Variants in TSHZ2 observed in about 807,000 individuals in gnomAD.
The protein encoded by TSHZ2 is teashirt zinc finger homeobox 2.
A neutral mutation model predicts 74.4 loss-of-function variants in TSHZ2; 21 were observed. The observed-to-expected ratio is 0.28, with a 90% CI of 0.20 to 0.41. TSHZ2 has a LOEUF of 0.41. Among genes scored for constraint, TSHZ2 ranks in the 10% least tolerant of loss-of-function variants. The pLI is 1.00. For synonymous variants in TSHZ2, 540 were observed against 515.3 expected, an observed-to-expected ratio of 1.05 and a Z score of -0.65; for missense variants, 1,244 against 1,293.5, an observed-to-expected ratio of 0.96 and a Z score of 0.59.
At chr20:53,409,957 C>G (rs1030423812) in intron 2 of TSHZ2, among the ~76,000 whole-genome samples, 2 of 133,234 alleles carry the variant, frequency 1.5e-5, no homozygotes, top group African/African-American at 5.6e-5. Flanking sequence ...AGAGATTATT[C>G]TGTCTCAGCC....
At chr20:53,355,510 AAACATACTTTATGT>A (rs1980813822) in intron 2 of TSHZ2, among the ~76,000 whole-genome samples, 1 of 152,230 alleles carries the variant, frequency 6.6e-6, no homozygotes, top group Non-Finnish European at 1.5e-5. Flanking sequence ...TCCAGACATA[AAACATACTTTATGT>A]GATTCCATTT....
At chr20:52,981,356 G>T (rs935149747) in intron 1 of TSHZ2, among the ~76,000 whole-genome samples, 2 of 152,148 alleles carry the variant, frequency 1.3e-5, no homozygotes, top group African/African-American at 4.8e-5. Context: ...GCGTAAACTT[G>T]GGCAGGCTGC....
rs1986342587 is a variant in TSHZ2, at chr20:53,488,070, A to T, written c.*935A>T. The T allele has an allele frequency of 6.6e-6, 1 of 152,214 alleles. No individual in the cohort carries two copies. Among genetic ancestry groups the T allele is most frequent in the African/African-American group, 2.4e-5 (1 of 41,454 alleles). 9.4% of individuals were successfully genotyped at this position (152,214 alleles called of 1,614,324 possible). Reference sequence around the variant, plus strand: ...TCCCTTTCTGCAGAACCTGATGTTTATGGGCTCTAAAACGCAGCTTAGCTT... The same window carrying T: ...TCCCTTTCTGCAGAACCTGATGTTTTTGGGCTCTAAAACGCAGCTTAGCTT... On this transcript the variant is annotated 3_prime_UTR_variant, in exon 3 of 3. Coordinates refer to ENST00000371497, the MANE Select transcript of TSHZ2 (RefSeq NM_173485.6).
intron 2 of TSHZ2, among the ~76,000 whole-genome samples, chr20:53,323,678 C>A (rs760356881): frequency 2.2e-5 from 3 of 138,346 alleles, no homozygotes; most frequent in African/African-American, 8.1e-5. Context: ...CAGGTTCAAG[C>A]GATTATCTTG....
At chr20:52,977,165 G>A (rs1004973159) in intron 1 of TSHZ2, among the ~76,000 whole-genome samples, 20 of 151,988 alleles carry the variant, frequency 1.3e-4, no homozygotes, top group Admixed American at 4.6e-4. Context: ...TGAATTAACC[G>A]GTGAGGTCCC....
intron 2 of TSHZ2, among the ~76,000 whole-genome samples, chr20:53,416,187 G>C (rs1305763819): frequency 6.6e-6 from 1 of 152,174 alleles, no homozygotes; most frequent in Non-Finnish European, 1.5e-5. Flanking sequence ...GGAGATGAGA[G>C]AGAAAGGCTC....
At chr20:53,360,657 A>G (rs1981015584) in intron 2 of TSHZ2, among the ~76,000 whole-genome samples, 1 of 152,212 alleles carries the variant, frequency 6.6e-6, no homozygotes, top group African/African-American at 2.4e-5. Flanking sequence ...CTAAGCGTTT[A>G]TGGGGATTAT....
chr20:53,051,816 C>T (rs181099260), intron 1 of TSHZ2, among the ~76,000 whole-genome samples: 2 of 152,192 alleles, frequency 1.3e-5, no homozygotes, highest in East Asian at 3.9e-4. Context: ...AGTTGCAGGA[C>T]AAATTTTTGA....
intron 1 of TSHZ2, among the ~76,000 whole-genome samples, chr20:53,069,494 A>G (rs992081367): frequency 1.1e-4 from 16 of 152,274 alleles, no homozygotes; most frequent in African/African-American, 3.6e-4. Context: ...TAAAACTACC[A>G]TCTACCAAAA....
intron 1 of TSHZ2, among the ~76,000 whole-genome samples, chr20:52,978,779 T>A (rs759503613): frequency 6.6e-6 from 1 of 152,196 alleles, no homozygotes; most frequent in Admixed American, 6.5e-5. Flanking sequence ...CGCTTTTATA[T>A]TTTTATTTCT....
At chr20:53,318,016 A>G (rs998451649) in intron 2 of TSHZ2, among the ~76,000 whole-genome samples, 4 of 152,236 alleles carry the variant, frequency 2.6e-5, no homozygotes, top group Admixed American at 2.0e-4. Flanking sequence ...CTAAGAGCAC[A>G]AGGCCAGACA....
Position 53,255,792 on chromosome 20 carries a change from G to T in TSHZ2, c.2334G>T (p.Ser778=), listed in dbSNP as rs145973095. The T allele has an allele frequency of 2.8e-5, 45 of 1,613,782 alleles. No homozygotes were observed. In the East Asian group the frequency reaches 8.9e-4, roughly 32 times the overall value. Residue 778 remains serine (S), a synonymous_variant, in exon 2 of 3, where the codon TCG becomes TCT. Transcript: ENST00000371497. This position sits in a 1 kb window ranked among gnomAD's most constrained non-coding sequence, Gnocchi z 4.1. The part of the protein sequence containing the change: ...TKSKSKKAES[S]QAQSCMSPPQ... ...CCAAAAGCAAGAAAGCCGAGTCCTC[G>T]CAAGCACAATCTTGTATGTCCCCAC... is the stretch of plus-strand genomic sequence containing the variant.
chr20:53,452,233 T>TA (rs1984817070), intron 2 of TSHZ2, among the ~76,000 whole-genome samples: 1 of 152,198 alleles, frequency 6.6e-6, no homozygotes, highest in Admixed American at 6.5e-5. Context: ...GGGCCAGACT[T>TA]AGAGTTCAAG....
At chr20:52,993,586 TA>T (rs1982068774) in intron 1 of TSHZ2, among the ~76,000 whole-genome samples, 1 of 152,228 alleles carries the variant, frequency 6.6e-6, no homozygotes, top group Non-Finnish European at 1.5e-5. Flanking sequence ...CGCTTGTTTG[TA>T]ACTGCAATTG....
chr20:53,210,810 A>T (rs554470274), intron 1 of TSHZ2, among the ~76,000 whole-genome samples: 39 of 152,208 alleles, frequency 2.6e-4, no homozygotes, highest in Non-Finnish European at 4.9e-4. Flanking sequence ...AATCTCAATT[A>T]AAAAGTGTGT....
At chr20:53,357,392 T>C (rs935216317) in intron 2 of TSHZ2, among the ~76,000 whole-genome samples, 1 of 152,100 alleles carries the variant, frequency 6.6e-6, no homozygotes, top group Non-Finnish European at 1.5e-5. Context: ...AGGCCAGGCT[T>C]AGTGGCTCAC....
intron 2 of TSHZ2, among the ~76,000 whole-genome samples, chr20:53,405,712 G>A (rs1344819633): frequency 6.6e-6 from 1 of 152,188 alleles, no homozygotes; most frequent in Non-Finnish European, 1.5e-5. Flanking sequence ...AAAAGAAATA[G>A]TGGCCAGGTA....
chr20:53,334,110 T>C (rs1979842180), intron 2 of TSHZ2, among the ~76,000 whole-genome samples: 1 of 152,174 alleles, frequency 6.6e-6, no homozygotes, highest in Non-Finnish European at 1.5e-5. Context: ...TTCATTGTGT[T>C]GATATAATGG....
At chr20:53,124,986 T>C (rs1470422394) in intron 1 of TSHZ2, among the ~76,000 whole-genome samples, 2 of 152,210 alleles carry the variant, frequency 1.3e-5, no homozygotes, top group East Asian at 3.8e-4. Flanking sequence ...AGCAAATGGG[T>C]GTGGCTCTGT....
Sources: gnomAD v4.1 joint callset for allele counts (sites outside exome capture counted in the v4.1 genomes callset) on GRCh38, gnomAD v4.1.1 for gene constraint, Gnocchi (gnomAD v3.1) non-coding constraint, MANE v1.5 for transcripts, NCBI Gene and HGNC (gene_info 2026-07-23, HGNC 2026-07-21) for gene names.